CCDC178: variants seen among roughly 807,000 people sequenced by gnomAD.
CCDC178 encodes coiled-coil domain containing 178.
In CCDC178, 126 loss-of-function variants were observed where a neutral mutation model predicts 117.4. The observed-to-expected ratio is 1.07, with a 90% confidence interval of 0.93 to 1.24. The LOEUF (loss-of-function observed/expected upper bound fraction) is 1.24, where lower values mean the gene tolerates loss of function less well. Among genes scored for constraint, CCDC178 ranks in the 50% most tolerant of loss-of-function variants. The probability of loss-of-function intolerance (pLI) is 0.00; values close to 1 mark genes in which losing one functional copy is unlikely to be tolerated. For missense variants in CCDC178, 1,030 were observed against 986.9 expected (o/e 1.04, Z -0.59); for synonymous variants, 283 against 313.4 (o/e 0.90, Z 1.02).
intron 22 of CCDC178, among the ~76,000 whole-genome samples, chr18:32,973,357 C>T (rs181016576): frequency 6.6e-6 from 1 of 152,140 alleles, no homozygotes; most frequent in African/African-American, 2.4e-5. Flanking sequence ...CAGGTTCCAG[C>T]CACAATATAA....
chr18:33,412,226 A>C (rs978252479), intron 2 of CCDC178, 116 bp from the exon 3 acceptor site: 1 of 448,620 alleles, frequency 2.2e-6, no homozygotes, highest in Non-Finnish European at 4.0e-6. Context: ...GTAAAATGTA[A>C]GGAAGTCCAA....
At chr18:33,417,533 TATACACAC>T (rs1201794762) in intron 2 of CCDC178, among the ~76,000 whole-genome samples, 1 of 39,448 alleles carries the variant, frequency 2.5e-5, no homozygotes, top group African/African-American at 6.9e-5. Context: ...CACAGAGCTG[TATACACAC>T]ACACACACAC....
chr18:33,181,992 C>T lies in CCDC178; in HGVS notation c.2238+29904G>A, dbSNP rs180904350. On this transcript the variant is annotated intron_variant, in intron 20 of 22. Coordinates refer to ENST00000383096, the MANE Select transcript of CCDC178 (RefSeq NM_001105528.4). ...GCACCTTATACCACAATAAAAAATC[C>T]CCAAAATGTGAAGCTTATATATAAA... 2.7e-3 allele frequency among the ~76,000 whole-genome samples: 405 copies of T among 151,662 alleles called. 1 individual carries two copies. The highest frequency in any genetic ancestry group is 6.8e-3 in the Middle Eastern group (2 of 294).
intron 2 of CCDC178, among the ~76,000 whole-genome samples, chr18:33,431,035 A>T (rs2064209753): frequency 6.7e-6 from 1 of 149,656 alleles, no homozygotes; most frequent in South Asian, 2.1e-4. Flanking sequence ...AGATCGCGCC[A>T]CTGCACTCCA....
intron 20 of CCDC178, among the ~76,000 whole-genome samples, chr18:33,164,371 C>T (rs923139618): frequency 4.6e-5 from 7 of 152,066 alleles, no homozygotes; most frequent in Admixed American, 2.0e-4. Context: ...ACCTCGGCCT[C>T]CCAAAGTGCT....
At chr18:33,027,714 T>C (rs2056257276) in intron 21 of CCDC178, among the ~76,000 whole-genome samples, 1 of 151,698 alleles carries the variant, frequency 6.6e-6, no homozygotes, top group African/African-American at 2.4e-5. Context: ...TCAAAATATA[T>C]TAAGCAAAAA....
intron 20 of CCDC178, among the ~76,000 whole-genome samples, chr18:33,193,678 TATATCAAATACCCATAGTTTATTGAA>T (rs1181979539): frequency 2.0e-5 from 3 of 152,226 alleles, no homozygotes; most frequent in Non-Finnish European, 2.9e-5. Flanking sequence ...CACTACCAAA[TATATCAAATACCCATAGTTTATTGAA>T]AAACTGTTAT....
chr18:33,065,626 G>A (rs2056999754), intron 21 of CCDC178, among the ~76,000 whole-genome samples: 2 of 152,220 alleles, frequency 1.3e-5, no homozygotes, highest in South Asian at 4.1e-4. Flanking sequence ...CTTCTCCAAG[G>A]CACATTGTTG....
intron 2 of CCDC178, among the ~76,000 whole-genome samples, chr18:33,432,963 T>C (rs191683533): frequency 1.9e-4 from 29 of 152,360 alleles, no homozygotes; most frequent in Non-Finnish European, 3.1e-4. Context: ...TATCAACTAT[T>C]CTGAGGTTAT....
At chr18:33,424,456 G>T (rs1409743231) in intron 2 of CCDC178, among the ~76,000 whole-genome samples, 1 of 152,192 alleles carries the variant, frequency 6.6e-6, no homozygotes, top group Non-Finnish European at 1.5e-5. Flanking sequence ...AGCTGGATTG[G>T]TGTACAGGCG....
intron 15 of CCDC178, among the ~76,000 whole-genome samples, chr18:33,234,535 CAGAG>C (rs1455034999): frequency 6.6e-6 from 1 of 151,916 alleles, no homozygotes; most frequent in Non-Finnish European, 1.5e-5. Context: ...CAGCTTAACT[CAGAG>C]AGAAATAAGA....
chr18:32,980,646 C>T (rs2055137192), intron 21 of CCDC178, among the ~76,000 whole-genome samples: 1 of 148,936 alleles, frequency 6.7e-6, no homozygotes, highest in Non-Finnish European at 1.5e-5. Flanking sequence ...AAAACATGGG[C>T]AAATTATACA....
chr18:33,435,656 CTGAAG>C (rs1472279982), intron 2 of CCDC178, among the ~76,000 whole-genome samples: 1 of 59,550 alleles, frequency 1.7e-5, no homozygotes, highest in Non-Finnish European at 4.0e-5. Context: ...AAGAAGACTA[CTGAAG>C]TGATCATAGT....
chr18:33,265,639 A>G (rs979809761), intron 14 of CCDC178, among the ~76,000 whole-genome samples: 1 of 152,048 alleles, frequency 6.6e-6, no homozygotes, highest in Non-Finnish European at 1.5e-5. Flanking sequence ...TGGGAAGAAT[A>G]TGAGACTGTA....
intron 20 of CCDC178, among the ~76,000 whole-genome samples, chr18:33,186,561 T>C (rs1487009934): frequency 6.6e-6 from 1 of 152,094 alleles, no homozygotes; most frequent in African/African-American, 2.4e-5. Flanking sequence ...TTAAAGTCTA[T>C]GGAGCCATAT....
chr18:33,035,006 A>G (rs1437394602), intron 21 of CCDC178, among the ~76,000 whole-genome samples: 1 of 152,006 alleles, frequency 6.6e-6, no homozygotes. Context: ...GCAATTACTT[A>G]AAAGGCAGTG....
At chr18:33,416,441 GA>G (rs1000882483) in intron 2 of CCDC178, among the ~76,000 whole-genome samples, 21 of 145,198 alleles carry the variant, frequency 1.4e-4, no homozygotes, top group African/African-American at 5.3e-4. Flanking sequence ...AAAAAAAAAA[GA>G]AAAAAACTGC....
intron 21 of CCDC178, among the ~76,000 whole-genome samples, chr18:33,057,219 G>A (rs1251887876): frequency 6.6e-6 from 1 of 152,092 alleles, no homozygotes; most frequent in Non-Finnish European, 1.5e-5. Flanking sequence ...TTTCAATAAA[G>A]CACACAACAG....
intron 21 of CCDC178, among the ~76,000 whole-genome samples, chr18:33,084,534 C>T (rs1027018634): frequency 2.0e-5 from 3 of 151,984 alleles, no homozygotes; most frequent in Non-Finnish European, 4.4e-5. Context: ...GATTAACGGC[C>T]GAGCACAGTG....
Sources: allele counts gnomAD v4.1 joint callset (sites outside exome capture counted in the v4.1 genomes callset), GRCh38; gene constraint gnomAD v4.1.1; transcripts MANE v1.5; gene names NCBI Gene and HGNC (gene_info 2026-07-23, HGNC 2026-07-21).